CDK15: variants seen among roughly 807,000 people sequenced by gnomAD.
CDK15 encodes the protein cyclin dependent kinase 15.
Under a neutral mutation model 60.3 loss-of-function variants are expected in CDK15, and 62 were observed. The ratio of observed to expected loss-of-function variants is 1.03; its 90% CI spans 0.84 to 1.27. The LOEUF is 1.27. Ranked by LOEUF, CDK15 falls within the 50% of genes most tolerant of loss-of-function variation. CDK15 has a pLI of 0.00. For synonymous variants in CDK15, 194 were observed against 195.7 expected (o/e 0.99, Z 0.07); for missense variants, 541 against 527.8 (o/e 1.03, Z -0.25).
intron 11 of CDK15, among the ~76,000 whole-genome samples, chr2:201,874,366 A>G (rs1271052210): frequency 3.9e-5 from 6 of 152,196 alleles, no homozygotes; most frequent in African/African-American, 7.2e-5. Context: ...GGGCTCTGTG[A>G]AAGGGTTAAC....
At chr2:201,860,946 A>G in intron 10 of CDK15, 2 of 1,273,212 alleles carry the variant, frequency 1.6e-6, no homozygotes, top group Non-Finnish European at 2.0e-6. Context: ...CTTTGGGCTC[A>G]ATGAGTTCTG....
intron 12 of CDK15, 41 bp downstream of exon 12, chr2:201,880,208 G>A (rs372828465): frequency 1.7e-5 from 27 of 1,606,078 alleles, no homozygotes; most frequent in East Asian, 4.5e-5. Flanking sequence ...GTGCATGTGC[G>A]TGAGTGCGTG....
At chr2:201,889,125 G>A in intron 12 of CDK15, 3 of 985,434 alleles carry the variant, frequency 3.0e-6, no homozygotes, top group Non-Finnish European at 3.6e-6. Context: ...GGCCAGGCGA[G>A]GCAGAGCTGG....
At chr2:201,875,648 G>A (rs1028901857) in intron 11 of CDK15, among the ~76,000 whole-genome samples, 3 of 152,158 alleles carry the variant, frequency 2.0e-5, no homozygotes, top group East Asian at 3.9e-4. Flanking sequence ...CCTAGAAAGT[G>A]ATTCAAAGTT....
chr2:201,860,980 A>G, intron 10 of CDK15: 1 of 1,215,328 alleles, frequency 8.2e-7, no homozygotes, highest in Non-Finnish European at 1.1e-6. Flanking sequence ...GTTTGCTGTG[A>G]GCACAAGCTA....
chr2:201,861,694 G>A (rs1299136200), intron 10 of CDK15: 2 of 219,946 alleles, frequency 9.1e-6, no homozygotes, highest in Non-Finnish European at 1.5e-5. Flanking sequence ...CCGAGTAGGT[G>A]GGAATACAGG....
At chr2:201,852,113 CT>C (rs1461038320) in intron 9 of CDK15, among the ~76,000 whole-genome samples, 1 of 152,132 alleles carries the variant, frequency 6.6e-6, no homozygotes, top group Non-Finnish European at 1.5e-5. Context: ...TCTGAAGACA[CT>C]TTTTAGTTTT....
chr2:201,807,818 T>C (rs1559110832), intron 2 of CDK15, 40 bp from the exon 3 acceptor site: 4 of 1,581,418 alleles, frequency 2.5e-6, no homozygotes, highest in East Asian at 2.2e-5. Context: ...CTTTCTCTCT[T>C]CCCTTTCACC....
intron 12 of CDK15, among the ~76,000 whole-genome samples, chr2:201,885,283 T>A (rs1291418753): frequency 6.6e-6 from 1 of 152,174 alleles, no homozygotes; most frequent in Non-Finnish European, 1.5e-5. Context: ...TATTGGTTTT[T>A]TTGTGTATTC....
intron 12 of CDK15, among the ~76,000 whole-genome samples, chr2:201,887,284 C>A (rs1699485345): frequency 6.6e-6 from 1 of 152,070 alleles, no homozygotes; most frequent in Admixed American, 6.6e-5. Context: ...TATAAAGTAT[C>A]TCTGAAAATT....
rs767145672 is a variant in CDK15 at position 201,835,777 on chromosome 2, C to T, written c.851+14C>T. 29 of 1,495,762 alleles carry T rather than the reference C, an allele frequency of 1.9e-5. No individual in the cohort carries two copies. Among genetic ancestry groups the T allele is most frequent in the South Asian group, 5.7e-5 (4 of 70,038 alleles). The allele number at this position is 1,495,762 out of a possible 1,614,324, so 92.7% of individuals were successfully genotyped here. A position where few individuals can be genotyped will look rare whatever the true frequency, so the allele number is the denominator to read the frequency against. On this transcript the variant is annotated intron_variant, in intron 8 of 13. Coordinates refer to ENST00000652192, the MANE Select transcript of CDK15 (RefSeq NM_001366386.2). ...GCTGGACATATGGTAAGAGTGGTGC[C>T]GAGAAAATGTGAGTCATCCTACTCA...
chr2:201,845,188 T>G (rs531199553), intron 8 of CDK15, among the ~76,000 whole-genome samples: 2 of 152,048 alleles, frequency 1.3e-5, no homozygotes, highest in African/African-American at 4.8e-5. Context: ...AAAAACAACC[T>G]GTTGCTTGCT....
chr2:201,809,342 T>C (rs1695651257), intron 3 of CDK15, among the ~76,000 whole-genome samples: 1 of 152,184 alleles, frequency 6.6e-6, no homozygotes, highest in Non-Finnish European at 1.5e-5. Flanking sequence ...CTAGTTACTT[T>C]ATGTTTTCTT....
At chr2:201,823,614 T>C (rs1374292986) in intron 5 of CDK15, 51 bp from the exon 6 acceptor site, 2 of 1,488,518 alleles carry the variant, frequency 1.3e-6, no homozygotes. Context: ...TAGGATGCTA[T>C]CTAAGCACCA....
chr2:201,873,914 C>T (rs190422668), intron 11 of CDK15, among the ~76,000 whole-genome samples: 6 of 152,202 alleles, frequency 3.9e-5, no homozygotes, highest in Non-Finnish European at 7.4e-5. Flanking sequence ...ATTAGCCGAG[C>T]GTGGTGGCAT....
At chr2:201,861,257 A>G (rs1698380128) in intron 10 of CDK15, 1 of 1,005,120 alleles carries the variant, frequency 9.9e-7, no homozygotes, top group Non-Finnish European at 1.2e-6. Context: ...CAGAACATAC[A>G]CAATTGCTAA....
intron 8 of CDK15, among the ~76,000 whole-genome samples, chr2:201,846,892 A>G (rs747744791): frequency 1.3e-5 from 2 of 152,224 alleles, no homozygotes; most frequent in Non-Finnish European, 2.9e-5. Context: ...GTGTACAAGT[A>G]TGCTATATGA....
At chr2:201,838,286 T>C (rs1329403875) in intron 8 of CDK15, among the ~76,000 whole-genome samples, 1 of 152,090 alleles carries the variant, frequency 6.6e-6, no homozygotes, top group East Asian at 1.9e-4. Flanking sequence ...TGGCATCTAG[T>C]GGGTAGAGAC....
At chr2:201,843,395 C>T (rs1158579717) in intron 8 of CDK15, among the ~76,000 whole-genome samples, 1 of 152,046 alleles carries the variant, frequency 6.6e-6, no homozygotes, top group Non-Finnish European at 1.5e-5. Flanking sequence ...CCATGTTGGC[C>T]AGGCTGGTCT....
Sources: allele counts gnomAD v4.1 joint callset (sites outside exome capture counted in the v4.1 genomes callset), GRCh38; gene constraint gnomAD v4.1.1; transcripts MANE v1.5; gene names NCBI Gene and HGNC (gene_info 2026-07-23, HGNC 2026-07-21).